Variants in PCDHA2 observed in about 807,000 individuals in gnomAD.
The protein encoded by PCDHA2 is protocadherin alpha-2.
A neutral mutation model predicts 66.0 loss-of-function variants in PCDHA2; 58 were observed. The observed-to-expected ratio is 0.88, with a 90% CI of 0.71 to 1.09. The LOEUF (loss-of-function observed/expected upper bound fraction) is 1.09. Ranked by LOEUF, PCDHA2 falls within the 50% of genes least tolerant of loss-of-function variation. The probability of loss-of-function intolerance (pLI) is 0.00; values close to 1 mark genes in which losing one functional copy is unlikely to be tolerated. For missense variants in PCDHA2, 1,267 were observed against 1,242.3 expected (o/e 1.02, Z -0.30); for synonymous variants, 634 against 554.0 (o/e 1.14, Z -2.03).
In PCDHA2 at chr5:140,848,635, G is replaced by A; in HGVS notation, c.2388+51283G>A. 2.5e-6 allele frequency: 4 copies of A among 1,593,292 alleles called. 1 individual carries two copies. Among genetic ancestry groups the A allele is most frequent in the Admixed American group, 1.7e-5 (1 of 59,228 alleles). On this transcript the variant is annotated intron_variant, in intron 1 of 3. Transcript: ENST00000526136. ...GCCGAACACGGCACCTTCGTGGGCC[G>A]CATCGCGCAGGACCTGGGGCTGGAG...
At chr5:140,802,062 A>G (rs1554121857) in intron 1 of PCDHA2, 1 of 1,614,190 alleles carries the variant, frequency 6.2e-7, no homozygotes, top group Non-Finnish European at 8.5e-7. Flanking sequence ...GTCAGCAGAT[A>G]TTCTGTCAAA....
chr5:140,802,754 G>C lies in PCDHA2; in HGVS notation c.2388+5402G>C, dbSNP rs571219787. The C allele has an allele frequency of 2.5e-6, 4 of 1,612,526 alleles. No homozygotes were observed. The East Asian group carries it at 8.9e-5, about 36-fold the overall frequency. ...ACGCGGAGAGCGGCAAGGTGTACGC[G>C]CTGCAGCCGCTGGACCACGAGGAGC... On this transcript the variant is annotated intron_variant, in intron 1 of 3. Transcript: ENST00000526136.
At chr5:140,970,753 C>T (rs1282500516) in intron 1 of PCDHA2, among the ~76,000 whole-genome samples, 1 of 152,176 alleles carries the variant, frequency 6.6e-6, no homozygotes, top group Non-Finnish European at 1.5e-5. Context: ...AATATATTTT[C>T]ATTGACATAT....
intron 3 of PCDHA2, among the ~76,000 whole-genome samples, chr5:140,993,036 GTCA>G (rs1415732601): frequency 6.6e-6 from 1 of 152,182 alleles, no homozygotes; most frequent in Non-Finnish European, 1.5e-5. Flanking sequence ...GGCTCCGTGT[GTCA>G]TCAAGATGTC....
intron 1 of PCDHA2, among the ~76,000 whole-genome samples, chr5:140,820,388 C>T (rs1283833514): frequency 1.3e-5 from 2 of 151,816 alleles, no homozygotes; most frequent in African/African-American, 4.8e-5. Flanking sequence ...TTTCTTTTTT[C>T]TTATCAAGCT....
chr5:140,937,795 C>T (rs1472022589), intron 1 of PCDHA2, among the ~76,000 whole-genome samples: 1 of 151,670 alleles, frequency 6.6e-6, no homozygotes, highest in Non-Finnish European at 1.5e-5. Context: ...GTATGTAGTC[C>T]CAGCTACTCG....
In PCDHA2 at chr5:140,978,971, G is replaced by C. The variant is rs782774245; in HGVS notation, c.2411G>C (p.Trp804Ser). Residue 804 changes from tryptophan (W) to serine (S), a missense_variant, in exon 2 of 4, where the codon TGG (tryptophan) becomes TCG (serine). Trp to Ser is a radical substitution (Grantham distance 177). Transcript: ENST00000526136. ...CAGCCACGACAGCCCAACCCTGACT[G>C]GCGTTACTCTGCCTCCCTGAGAGCA... is the stretch of plus-strand genomic sequence containing the variant. ...VGKPRQPNPD[W>S]RYSASLRAGM... 6.2e-7 allele frequency: 1 copy of C among 1,614,170 alleles called. No homozygotes were observed. The highest frequency in any genetic ancestry group is 2.2e-5 in the East Asian group (1 of 44,882).
intron 1 of PCDHA2, chr5:140,884,589 C>G: frequency 1.9e-6 from 3 of 1,614,146 alleles, no homozygotes; most frequent in Admixed American, 3.3e-5. Context: ...GCCTTCAGTC[C>G]CAGCCTTCCT....
chr5:140,876,356 T>C, intron 1 of PCDHA2: 1 of 1,613,964 alleles, frequency 6.2e-7, no homozygotes. Flanking sequence ...ATGTTTTCAA[T>C]AAATCCAGAC....
At chr5:140,941,202 C>CTTTTCTTTCTTCCTTTCTTT (rs1554213921) in intron 1 of PCDHA2, among the ~76,000 whole-genome samples, 1 of 122,742 alleles carries the variant, frequency 8.1e-6, no homozygotes, top group Non-Finnish European at 1.8e-5. Flanking sequence ...TTTCTTTCTT[C>CTTTTCTTTCTTCCTTTCTTT]CTTTCTTTCT....
chr5:140,858,914 A>C, intron 1 of PCDHA2: 1 of 181,616 alleles, frequency 5.5e-6, no homozygotes, highest in Non-Finnish European at 1.1e-5. Flanking sequence ...CACAGCTTAT[A>C]CTGCCATAGT....
At chr5:140,938,684 A>T (rs1554212293) in intron 1 of PCDHA2, among the ~76,000 whole-genome samples, 1 of 152,046 alleles carries the variant, frequency 6.6e-6, no homozygotes, top group African/African-American at 2.4e-5. Flanking sequence ...CATTTTCTTT[A>T]CAGTTTTTAA....
chr5:141,004,750 C>T (rs1205050665), intron 3 of PCDHA2, among the ~76,000 whole-genome samples: 1 of 152,112 alleles, frequency 6.6e-6, no homozygotes, highest in Non-Finnish European at 1.5e-5. Flanking sequence ...GTCTCAGTCT[C>T]TTAGAGACAG....
rs978894087 is a variant in PCDHA2, at chr5:140,805,287, G to A, written c.2388+7935G>A. 2.4e-6 allele frequency: 3 copies of A among 1,272,152 alleles called. No individual in the cohort carries two copies. The African/African-American group carries it at 4.6e-5, about 20-fold the overall frequency. 78.8% of individuals were successfully genotyped at this position (1,272,152 alleles called of 1,614,324 possible). A position where few individuals can be genotyped will look rare whatever the true frequency, so the allele number is the denominator to read the frequency against. Reference sequence around the variant, plus strand: ...AATGAAAATATTACAAATGAAATGGGTGAAAATGGAATTCTTCCTCCTTTT... The same window carrying A: ...AATGAAAATATTACAAATGAAATGGATGAAAATGGAATTCTTCCTCCTTTT... On this transcript the variant is annotated intron_variant, in intron 1 of 3. Coordinates refer to ENST00000526136, the MANE Select transcript of PCDHA2 (RefSeq NM_018905.3).
intron 1 of PCDHA2, chr5:140,857,524 T>G (rs251363): frequency 0.63 from 998,871 of 1,597,030 alleles, 345,157 homozygotes; most frequent in African/African-American, 0.69. Context: ...TGTCCTACTC[T>G]CTGGTGGAGC....
chr5:140,866,444 T>G (rs1399450824), intron 1 of PCDHA2: 1 of 152,130 alleles, frequency 6.6e-6, no homozygotes, highest in African/African-American at 2.4e-5. Context: ...TTCTTCAGTC[T>G]TATTGTTGGC....
At chr5:140,831,854 T>C (rs1358095738) in intron 1 of PCDHA2, among the ~76,000 whole-genome samples, 1 of 152,174 alleles carries the variant, frequency 6.6e-6, no homozygotes, top group Non-Finnish European at 1.5e-5. Context: ...GTCATAAAGC[T>C]TTAGTAAGTT....
At chr5:140,809,520 ACT>A (rs782105819) in intron 1 of PCDHA2, 1 of 1,614,164 alleles carries the variant, frequency 6.2e-7, no homozygotes. Flanking sequence ...AGTTTACCTG[ACT>A]CTAGGGACAG....
chr5:140,914,115 G>A (rs1287523867), intron 1 of PCDHA2, among the ~76,000 whole-genome samples: 1 of 152,168 alleles, frequency 6.6e-6, no homozygotes, highest in Non-Finnish European at 1.5e-5. Flanking sequence ...GATTAAGTCT[G>A]ATGTTTCTTT....
Sources: gnomAD v4.1 joint callset for allele counts (sites outside exome capture counted in the v4.1 genomes callset) on GRCh38, gnomAD v4.1.1 for gene constraint, MANE v1.5 for transcripts, NCBI Gene and HGNC (gene_info 2026-07-23, HGNC 2026-07-21) for gene names.